Variants in CRPPA observed in about 807,000 individuals in gnomAD.
CRPPA encodes the protein D-ribitol-5-phosphate cytidylyltransferase.
A neutral mutation model predicts 52.0 loss-of-function variants in CRPPA; 43 were observed. That is an observed-to-expected ratio of 0.83 (90% confidence interval 0.65 to 1.07). The LOEUF (loss-of-function observed/expected upper bound fraction) is 1.07, where lower values mean the gene tolerates loss of function less well. CRPPA is among the 50% of genes least tolerant of loss of function. CRPPA has a pLI of 0.00. For synonymous variants in CRPPA, 250 were observed against 203.5 expected (o/e 1.23, Z -1.94); for missense variants, 629 against 551.7 (o/e 1.14, Z -1.40).
chr7:16,282,067 A>G (rs1272306112), intron 5 of CRPPA, among the ~76,000 whole-genome samples: 1 of 152,062 alleles, frequency 6.6e-6, no homozygotes, highest in African/African-American at 2.4e-5. Flanking sequence ...CATTTTCTTC[A>G]GTATTTTCTT....
intron 2 of CRPPA, among the ~76,000 whole-genome samples, chr7:16,392,286 C>T (rs746398859): frequency 1.3e-5 from 2 of 152,100 alleles, no homozygotes; most frequent in Non-Finnish European, 2.9e-5. Context: ...GTGGCAGTTT[C>T]CCAAACCAAA....
intron 9 of CRPPA, among the ~76,000 whole-genome samples, chr7:16,158,371 T>A (rs1473033029): frequency 6.6e-6 from 1 of 152,138 alleles, no homozygotes; most frequent in Admixed American, 6.6e-5. Flanking sequence ...CCAAACACAA[T>A]ATGTAGCAGC....
intron 9 of CRPPA, among the ~76,000 whole-genome samples, chr7:16,184,635 T>G (rs774460992): frequency 1.8e-4 from 27 of 152,158 alleles, no homozygotes; most frequent in Middle Eastern, 3.2e-3. Context: ...CACATGCTGT[T>G]TATTGAACAT....
intron 3 of CRPPA, among the ~76,000 whole-genome samples, chr7:16,344,827 G>T (rs1465561014): frequency 6.8e-6 from 1 of 147,408 alleles, no homozygotes; most frequent in South Asian, 2.1e-4. Context: ...GGAATAGAAG[G>T]ACAAAAAAAA....
chr7:16,089,349 T>C lies in CRPPA; in HGVS notation c.*2346A>G. Reference sequence around the variant, plus strand: ...ATAAATATATGTGTGTATGCGTACGTATATACATACATACATGCATGTACA... The same window carrying C: ...ATAAATATATGTGTGTATGCGTACGCATATACATACATACATGCATGTACA... On this transcript the variant is annotated 3_prime_UTR_variant, in exon 10 of 10. Transcript: ENST00000407010. 1 of 349,924 alleles carries C rather than the reference T, an allele frequency of 2.9e-6. No individual in the cohort carries two copies. The highest frequency in any genetic ancestry group is 6.2e-6 in the Non-Finnish European group (1 of 161,818). The allele number at this position is 349,924 out of a possible 1,614,324, so 21.7% of individuals were successfully genotyped here.
chr7:16,367,189 T>C (rs1786619713), intron 3 of CRPPA, among the ~76,000 whole-genome samples: 1 of 151,854 alleles, frequency 6.6e-6, no homozygotes, highest in Non-Finnish European at 1.5e-5. Context: ...AAAAAACTTA[T>C]GCCTTCTTAT....
chr7:16,228,449 T>A (rs540716894), intron 8 of CRPPA, among the ~76,000 whole-genome samples: 3 of 152,044 alleles, frequency 2.0e-5, no homozygotes, highest in African/African-American at 4.8e-5. Context: ...GCTATCAACT[T>A]CCCTGTTAGA....
chr7:16,399,893 C>G (rs990415569), intron 2 of CRPPA, among the ~76,000 whole-genome samples: 1 of 151,916 alleles, frequency 6.6e-6, no homozygotes, highest in African/African-American at 2.4e-5. Context: ...GACTCATGAT[C>G]GTTATGTGAT....
intron 8 of CRPPA, among the ~76,000 whole-genome samples, chr7:16,249,044 C>T (rs544512304): frequency 3.9e-5 from 6 of 152,062 alleles, no homozygotes; most frequent in Non-Finnish European, 7.4e-5. Flanking sequence ...TGGGAGGGGG[C>T]GTCCACCATT....
At chr7:16,269,906 A>C (rs1784052556) in intron 6 of CRPPA, 1 of 152,212 alleles carries the variant, frequency 6.6e-6, no homozygotes, top group Non-Finnish European at 1.5e-5. Context: ...CTGGAGAAAA[A>C]AAATTAATGA....
chr7:16,129,182 C>T (rs1782636616), intron 9 of CRPPA, among the ~76,000 whole-genome samples: 1 of 152,082 alleles, frequency 6.6e-6, no homozygotes, highest in Non-Finnish European at 1.5e-5. Context: ...AGCTCATTTT[C>T]AGTCCTTTGA....
intron 5 of CRPPA, among the ~76,000 whole-genome samples, chr7:16,297,825 C>G (rs1188069382): frequency 6.6e-6 from 1 of 152,178 alleles, no homozygotes; most frequent in African/African-American, 2.4e-5. Context: ...CTACCACTGG[C>G]TTTCCTGGGC....
chr7:16,209,190 A>G, intron 9 of CRPPA: 1 of 322,852 alleles, frequency 3.1e-6, no homozygotes, highest in Non-Finnish European at 6.0e-6. Flanking sequence ...GATCTAAGAG[A>G]ATGCTAGCTA....
At chr7:16,332,675 A>C (rs1363231534) in intron 3 of CRPPA, among the ~76,000 whole-genome samples, 1 of 152,168 alleles carries the variant, frequency 6.6e-6, no homozygotes, top group Non-Finnish European at 1.5e-5. Flanking sequence ...AGAAGAAAAC[A>C]CAAGTCACAA....
At chr7:16,137,612 G>A (rs978653981) in intron 9 of CRPPA, among the ~76,000 whole-genome samples, 4 of 152,158 alleles carry the variant, frequency 2.6e-5, no homozygotes, top group African/African-American at 7.2e-5. Flanking sequence ...ATTAGCATAT[G>A]ATTAAGAATA....
At chr7:16,300,162 A>G (rs1318635756) in intron 5 of CRPPA, among the ~76,000 whole-genome samples, 1 of 152,240 alleles carries the variant, frequency 6.6e-6, no homozygotes, top group Non-Finnish European at 1.5e-5. Flanking sequence ...GTACATTAAT[A>G]GTTTAAAACA....
intron 9 of CRPPA, among the ~76,000 whole-genome samples, chr7:16,123,747 C>T (rs536795355): frequency 2.0e-4 from 31 of 152,152 alleles, no homozygotes; most frequent in South Asian, 1.0e-3. Flanking sequence ...ATTGTTTAAC[C>T]GCTTTACTTA....
intron 9 of CRPPA, among the ~76,000 whole-genome samples, chr7:16,207,712 C>A (rs1449918954): frequency 1.3e-5 from 2 of 152,140 alleles, no homozygotes; most frequent in African/African-American, 4.8e-5. Flanking sequence ...ATTTGTCATG[C>A]CATTATTTCT....
intron 9 of CRPPA, among the ~76,000 whole-genome samples, chr7:16,132,816 C>G (rs1782704018): frequency 8.0e-6 from 1 of 124,366 alleles, no homozygotes; most frequent in South Asian, 3.8e-4. Context: ...AGATGCTAGT[C>G]TCTTTCATCA....
Sources: allele counts gnomAD v4.1 joint callset (sites outside exome capture counted in the v4.1 genomes callset), GRCh38; gene constraint gnomAD v4.1.1; transcripts MANE v1.5; gene names NCBI Gene and HGNC (gene_info 2026-07-23, HGNC 2026-07-21).